Variants in SON observed in about 807,000 individuals in gnomAD.
SON encodes protein SON.
In SON, 4 loss-of-function variants were observed where a neutral mutation model predicts 173.3. The observed-to-expected ratio is 0.02, with a 90% CI of 0.01 to 0.05. SON has a LOEUF of 0.05. SON is among the 10% of genes least tolerant of loss of function. The probability of loss-of-function intolerance (pLI) is 1.00; values close to 1 mark genes in which losing one functional copy is unlikely to be tolerated. For missense variants in SON, 2,626 were observed against 3,055.3 expected, an observed-to-expected ratio of 0.86 and a Z score of 3.31; for synonymous variants, 1,190 against 1,105.9, an observed-to-expected ratio of 1.08 and a Z score of -1.51.
chr21:33,548,225 ATTC>A (rs2085669557), intron 2 of SON, among the ~76,000 whole-genome samples: 2 of 151,782 alleles, frequency 1.3e-5, no homozygotes, highest in African/African-American at 4.9e-5. Context: ...TAAAATCAGT[ATTC>A]TTTTCTAAAA....
intron 7 of SON, 149 bp downstream of exon 7, chr21:33,567,416 GA>G: frequency 1.6e-6 from 1 of 609,196 alleles, no homozygotes; most frequent in Non-Finnish European, 3.0e-6. Flanking sequence ...TATTTTAAAT[GA>G]AAGTGATTCG....
Position 33,550,320 on chromosome 21 carries a change from G to A in SON, c.1089G>A (p.Glu363=), listed in dbSNP as rs757833868. The A allele has an allele frequency of 5.6e-6, 9 of 1,614,182 alleles. No individual in the cohort carries two copies. The South Asian group carries it at 9.9e-5, about 18-fold the overall frequency. ...SSMTRPQELP[E]LPKTTALELQ... The stretch of plus-strand genomic sequence containing the variant: ...TGACAAGACCGCAGGAGTTGCCGGA[G>A]CTGCCTAAGACCACAGCGTTGGAGC... Residue 363 remains glutamate (E), a synonymous_variant, in exon 3 of 12, where the codon GAG becomes GAA. Transcript: ENST00000356577.
chr21:33,569,564 C>G (rs1263819456), intron 8 of SON: 1 of 439,814 alleles, frequency 2.3e-6, no homozygotes, highest in African/African-American at 2.1e-5. Context: ...CGCACCCCAC[C>G]CGCTTCATTA....
Position 33,550,972 on chromosome 21 carries a change from G to A in SON, c.1741G>A (p.Ala581Thr). ...GCCAGGGCTGCCTTCGGCAACTAGG[G>A]CACTGGAGTTGTCGGGGCAGCCTGT... Reference protein sequence around the residue: ...ELPGLPSATRALELSGQPVAT... With the variant: ...ELPGLPSATRTLELSGQPVAT... Residue 581 changes from alanine to threonine, a missense_variant, in exon 3 of 12, where the codon GCA becomes ACA. Ala to Thr is a moderately conservative substitution (Grantham distance 58, BLOSUM62 0). Coordinates refer to ENST00000356577, the MANE Select transcript of SON (RefSeq NM_138927.4). The A allele has an allele frequency of 1.1e-5, 17 of 1,605,888 alleles. No homozygotes were observed. Among genetic ancestry groups the A allele is most frequent in the Non-Finnish European group, 1.4e-5 (17 of 1,174,602 alleles).
Position 33,549,608 on chromosome 21 carries a change from A to G in SON, c.377A>G (p.Glu126Gly), listed in dbSNP as rs781309621. The G allele has an allele frequency of 6.3e-6, 10 of 1,591,714 alleles. No homozygotes were observed. The highest frequency in any genetic ancestry group is 8.5e-6 in the Non-Finnish European group (10 of 1,172,176). ...NKKKKKKKEK[E>G]KKYKRQPEES... ...AAGAAGAAAAAGAAGAAAGAAAAGG[A>G]AAAAAAATATAAAAGACAGCCAGAA... The change falls in exon 3 of 12, where the codon GAA (glutamate) becomes GGA (glycine). Residue 126 changes from glutamate (E) to glycine (G), a missense_variant. Around this residue, in one of 13 missense-constraint regions of SON, gnomAD observed 757 missense variants for 730.1 expected, o/e 1.04. Coordinates refer to ENST00000356577, the MANE Select transcript of SON (RefSeq NM_138927.4).
chr21:33,543,860 A>G (rs142353585), intron 1 of SON, among the ~76,000 whole-genome samples: 19 of 152,010 alleles, frequency 1.2e-4, no homozygotes, highest in Middle Eastern at 3.4e-3. Flanking sequence ...GTGTAGGTCT[A>G]TTATTTTCTT....
chr21:33,551,281 T>C lies in SON; in HGVS notation c.2050T>C (p.Tyr684His). ...GCCCTCGACGACAGCGCTGGAATCC[T>C]ATAATACGGTAGCACAGGAGCTGCC... ...EVPSTTALES[Y>H]NTVAQELPTT... Residue 684 changes from tyrosine (Y) to histidine (H), a missense_variant, in exon 3 of 12, where the codon TAT becomes CAT. Tyr to His is a moderately conservative substitution (Grantham distance 83). Around this residue, in one of 13 missense-constraint regions of SON, gnomAD observed 182 missense variants for 193.6 expected, o/e 0.94. Coordinates refer to ENST00000356577, the MANE Select transcript of SON (RefSeq NM_138927.4). The C allele has an allele frequency of 6.2e-7, 1 of 1,614,150 alleles. No homozygotes were observed. The highest frequency in any genetic ancestry group is 8.5e-7 in the Non-Finnish European group (1 of 1,179,990).
intron 1 of SON, among the ~76,000 whole-genome samples, chr21:33,545,917 T>C (rs1243832984): frequency 6.6e-6 from 1 of 152,258 alleles, no homozygotes; most frequent in Non-Finnish European, 1.5e-5. Context: ...AAGAAATATG[T>C]GGGTATCCCA....
Position 33,551,147 on chromosome 21 carries a change from C to T in SON, c.1916C>T (p.Pro639Leu), listed in dbSNP as rs2085770806. ...GAGTTGCCAGGGCAGCCTGGGGCGC[C>T]AGAGTTGCCTGGGCAGCCTGTGGCA... ...VLELPGQPGA[P>L]ELPGQPVATV... is the part of the protein sequence containing the mutation. Residue 639 changes from proline to leucine, a missense_variant, in exon 3 of 12, where the codon CCA becomes CTA. Physicochemically the swap from Pro to Leu is moderately conservative, Grantham distance 98. This residue lies in a region of SON where 182 missense variants were observed against 193.6 expected (regional missense o/e 0.94). Coordinates refer to ENST00000356577, the MANE Select transcript of SON (RefSeq NM_138927.4). 2 of 1,613,260 alleles carry T rather than the reference C, an allele frequency of 1.2e-6. No individual in the cohort carries two copies. Among genetic ancestry groups the T allele is most frequent in the East Asian group, 4.5e-5 (2 of 44,860 alleles).
At position 33,555,116 on chromosome 21, in the gene SON, G is replaced by T. The variant is rs746705868; in HGVS notation, c.5885G>T (p.Arg1962Leu). The change falls in exon 3 of 12, where the codon CGC (arginine) becomes CTC (leucine). Residue 1962 changes from arginine to leucine, a missense_variant. Arg to Leu is a moderately radical substitution (Grantham distance 102). Around this residue, in one of 13 missense-constraint regions of SON, gnomAD observed 138 missense variants for 222.9 expected, o/e 0.62. Transcript: ENST00000356577. ...AGCCGCCGCAGCCGCACCCCCAGCC[G>T]CCGCAGCCGCACCCCCAGCCGCCGC... ...SPSRRSRTPSRRSRTPSRRSR... is the reference protein window; with the variant it reads ...SPSRRSRTPSLRSRTPSRRSR... The T allele has an allele frequency of 1.3e-6, 2 of 1,515,574 alleles. No individual in the cohort carries two copies. The highest frequency in any genetic ancestry group is 1.2e-5 in the South Asian group (1 of 81,044). The allele number at this position is 1,515,574 out of a possible 1,614,324, so 93.9% of individuals were successfully genotyped here.
chr21:33,561,690 CACTG>C (rs1454076987), intron 6 of SON, among the ~76,000 whole-genome samples: 2 of 152,154 alleles, frequency 1.3e-5, no homozygotes, highest in African/African-American at 4.8e-5. Context: ...TCAATCTTAA[CACTG>C]AGTGTGGTGC....
At chr21:33,573,537 G>A (rs772173663) in intron 9 of SON, 82 bp downstream of exon 9, 9 of 1,243,330 alleles carry the variant, frequency 7.2e-6, no homozygotes, top group Non-Finnish European at 9.0e-6. Context: ...CAGTGATACT[G>A]AACTGAAGGC....
In SON at chr21:33,575,582, A is replaced by C. The variant is rs368780326; in HGVS notation, c.7034-14A>C. On this transcript the variant is annotated splice_polypyrimidine_tract_variant and intron_variant, in intron 9 of 11. Coordinates refer to ENST00000356577, the MANE Select transcript of SON (RefSeq NM_138927.4). ...TGCTTTGAAATTTATTTAGTGAACAATTTTTTTTTAAAGGTCTTGTTGCAG... is the reference window on the plus strand; with the variant it reads ...TGCTTTGAAATTTATTTAGTGAACACTTTTTTTTTAAAGGTCTTGTTGCAG... 2.0e-5 allele frequency: 32 copies of C among 1,582,048 alleles called. No individual in the cohort carries two copies. Among genetic ancestry groups the C allele is most frequent in the Non-Finnish European group, 2.5e-5 (29 of 1,160,016 alleles).
At chr21:33,563,305 C>A (rs765843401) in intron 6 of SON, among the ~76,000 whole-genome samples, 1 of 152,098 alleles carries the variant, frequency 6.6e-6, no homozygotes, top group Non-Finnish European at 1.5e-5. Flanking sequence ...TAAAAAGATT[C>A]GTAATTCACT....
At chr21:33,573,810 GAGTTT>G (rs1489774111) in intron 9 of SON, among the ~76,000 whole-genome samples, 3 of 152,210 alleles carry the variant, frequency 2.0e-5, no homozygotes, top group Middle Eastern at 3.4e-3. Context: ...CTTTTTTCTA[GAGTTT>G]AGTTTATTTT....
chr21:33,543,231 T>C (rs982527660), intron 1 of SON, 62 bp downstream of exon 1: 4 of 1,420,056 alleles, frequency 2.8e-6, no homozygotes, highest in South Asian at 1.1e-5. Flanking sequence ...TAGCCTTCTT[T>C]GGCACCTTTC....
intron 2 of SON, 110 bp from the exon 3 acceptor site, chr21:33,549,366 C>G (rs1412698698): frequency 3.4e-6 from 3 of 884,488 alleles, no homozygotes; most frequent in Non-Finnish European, 5.0e-6. Context: ...AGCCACTGTA[C>G]TTGGCCTGTA....
In SON at chr21:33,543,085, C is replaced by A; in HGVS notation, c.-8C>A. 1.9e-6 allele frequency: 3 copies of A among 1,613,686 alleles called. No individual in the cohort carries two copies. The highest frequency in any genetic ancestry group is 2.5e-6 in the Non-Finnish European group (3 of 1,179,528). On this transcript the variant is annotated 5_prime_UTR_variant, in exon 1 of 12. Coordinates refer to ENST00000356577, the MANE Select transcript of SON (RefSeq NM_138927.4). ...GCGAGGAGGAGTTGAGAGAACGGAG[C>A]GGACGCCATGGCGACCAACATCGAG...
intron 2 of SON, among the ~76,000 whole-genome samples, chr21:33,548,620 C>CG (rs1215064735): frequency 6.6e-6 from 1 of 152,230 alleles, no homozygotes; most frequent in Non-Finnish European, 1.5e-5. Flanking sequence ...ACTTTATCCT[C>CG]TAACTCTAGA....
Sources: gnomAD v4.1 joint callset for allele counts (sites outside exome capture counted in the v4.1 genomes callset) on GRCh38, gnomAD v4.1.1 for gene constraint, gnomAD v4.1.1 regional missense constraint, MANE v1.5 for transcripts, NCBI Gene and HGNC (gene_info 2026-07-23, HGNC 2026-07-21) for gene names.